The following RABGAP1L variants were observed in gnomAD, a reference collection of about 807,000 sequenced individuals.
RABGAP1L encodes rab GTPase-activating protein 1-like.
Under a neutral mutation model 137.7 loss-of-function variants are expected in RABGAP1L, and 63 were observed. The ratio of observed to expected loss-of-function variants is 0.46; its 90% CI spans 0.37 to 0.56. The LOEUF (loss-of-function observed/expected upper bound fraction) is 0.56. Among genes scored for constraint, RABGAP1L ranks in the 20% least tolerant of loss-of-function variants. The pLI, the probability that RABGAP1L is intolerant of heterozygous loss-of-function variation, is 0.00. For missense variants in RABGAP1L, 1,095 were observed against 1,244.0 expected (o/e 0.88, Z 1.80); for synonymous variants, 431 against 433.7 (o/e 0.99, Z 0.08).
intron 18 of RABGAP1L, among the ~76,000 whole-genome samples, chr1:174,808,047 G>A (rs894903258): frequency 2.5e-4 from 37 of 149,630 alleles, no homozygotes; most frequent in East Asian, 9.8e-4. Flanking sequence ...GCAGTGGCGC[G>A]ATCTCGGCCC....
chr1:174,906,596 C>G (rs1659127000), intron 19 of RABGAP1L, among the ~76,000 whole-genome samples: 1 of 151,872 alleles, frequency 6.6e-6, no homozygotes, highest in African/African-American at 2.4e-5. Flanking sequence ...CCACTGCACT[C>G]TAGCCTGGGT....
intron 19 of RABGAP1L, among the ~76,000 whole-genome samples, chr1:174,842,743 G>A (rs1693552944): frequency 6.6e-6 from 1 of 152,088 alleles, no homozygotes; most frequent in Non-Finnish European, 1.5e-5. Context: ...AGTTTCTCAG[G>A]TCCCTTTCAG....
chr1:174,639,846 A>G (rs1431894066), intron 14 of RABGAP1L, among the ~76,000 whole-genome samples: 1 of 152,166 alleles, frequency 6.6e-6, no homozygotes, highest in Admixed American at 6.6e-5. Context: ...GCAACCTTGA[A>G]TTCATTTGAA....
chr1:174,273,349 T>A (rs182901312), intron 8 of RABGAP1L, among the ~76,000 whole-genome samples: 34 of 152,132 alleles, frequency 2.2e-4, no homozygotes, highest in Admixed American at 2.2e-3. Flanking sequence ...TGTGAAGTGA[T>A]GAGGTTATGC....
At chr1:174,572,462 T>C (rs1371642234) in intron 13 of RABGAP1L, among the ~76,000 whole-genome samples, 1 of 152,164 alleles carries the variant, frequency 6.6e-6, no homozygotes, top group Non-Finnish European at 1.5e-5. Flanking sequence ...CTTGGCTCAC[T>C]GCAACCTCTG....
intron 17 of RABGAP1L, among the ~76,000 whole-genome samples, chr1:174,731,121 C>A (rs1682430488): frequency 6.6e-6 from 1 of 152,106 alleles, no homozygotes; most frequent in African/African-American, 2.4e-5. Flanking sequence ...ATTACAGGTA[C>A]ACACCAGCAT....
At chr1:174,239,134 C>A (rs12091157) in intron 4 of RABGAP1L, among the ~76,000 whole-genome samples, 1 of 151,956 alleles carries the variant, frequency 6.6e-6, no homozygotes, top group African/African-American at 2.4e-5. Context: ...GCTCGCGCAC[C>A]GTGCGCGCAC....
chr1:174,752,722 C>T (rs1180496849), intron 18 of RABGAP1L, among the ~76,000 whole-genome samples: 1 of 152,020 alleles, frequency 6.6e-6, no homozygotes, highest in Non-Finnish European at 1.5e-5. Flanking sequence ...TCTGGAGGTA[C>T]CTAAACATAT....
At chr1:174,240,650 A>G (rs1419904545) in intron 4 of RABGAP1L, among the ~76,000 whole-genome samples, 3 of 152,212 alleles carry the variant, frequency 2.0e-5, no homozygotes, top group Non-Finnish European at 4.4e-5. Flanking sequence ...CTTTGGAACC[A>G]CCTGACCTTT....
Position 174,612,134 on chromosome 1 carries a change from T to A in RABGAP1L, c.1711-25241T>A, listed in dbSNP as rs538380332. 1.3e-4 allele frequency among the ~76,000 whole-genome samples: 20 copies of A among 152,020 alleles called. 1 individual carries two copies. Among genetic ancestry groups the A allele is most frequent in the Admixed American group, 1.1e-3 (17 of 15,194 alleles). On this transcript the variant is annotated intron_variant, in intron 13 of 25. Transcript: ENST00000681986. Reference sequence around the variant, plus strand: ...AGAGAGGGCATCCCTGTCTTGCACCTGTTTTCAAAGGGAATGCTTCCAGTT... The same window carrying A: ...AGAGAGGGCATCCCTGTCTTGCACCAGTTTTCAAAGGGAATGCTTCCAGTT...
At chr1:174,423,930 T>C (rs1651652070) in intron 13 of RABGAP1L, among the ~76,000 whole-genome samples, 2 of 152,006 alleles carry the variant, frequency 1.3e-5, no homozygotes, top group African/African-American at 4.8e-5. Context: ...AAAAAAAATA[T>C]TTTGGGATAT....
intron 20 of RABGAP1L, chr1:174,958,157 A>G (rs1668773570): frequency 6.8e-7 from 1 of 1,462,916 alleles, no homozygotes; most frequent in African/African-American, 1.4e-5. Context: ...TTGGAAGGAA[A>G]AATAAAAATC....
At chr1:174,478,274 T>G (rs1420935970) in intron 13 of RABGAP1L, among the ~76,000 whole-genome samples, 3 of 151,460 alleles carry the variant, frequency 2.0e-5, no homozygotes, top group South Asian at 2.1e-4. Context: ...TTTTCGGAGG[T>G]GTGTGTGTGT....
chr1:174,731,657 T>C (rs375405531), intron 17 of RABGAP1L, among the ~76,000 whole-genome samples: 1 of 152,248 alleles, frequency 6.6e-6, no homozygotes, highest in South Asian at 2.1e-4. Context: ...CAGTCATTCG[T>C]AGACTCACCC....
Position 174,525,687 on chromosome 1 carries a change from T to G in RABGAP1L, c.1711-111688T>G, listed in dbSNP as rs1173762299. Among the ~76,000 whole-genome samples, 38 of 152,128 alleles carry G rather than the reference T, an allele frequency of 2.5e-4. 1 individual carries two copies. The highest frequency in any genetic ancestry group is 2.5e-3 in the Admixed American group (38 of 15,274). On this transcript the variant is annotated intron_variant, in intron 13 of 25. Coordinates refer to ENST00000681986, the MANE Select transcript of RABGAP1L (RefSeq NM_001366446.1). Reference sequence around the variant, plus strand: ...CTTCCAGTACTGTGTTGAATAGGAGTGGTGAAAGTGGGCATTCTTGTTTCA... The same window carrying G: ...CTTCCAGTACTGTGTTGAATAGGAGGGGTGAAAGTGGGCATTCTTGTTTCA...
At chr1:174,440,416 G>A (rs1358238882) in intron 13 of RABGAP1L, among the ~76,000 whole-genome samples, 1 of 152,216 alleles carries the variant, frequency 6.6e-6, no homozygotes, top group Non-Finnish European at 1.5e-5. Flanking sequence ...AGCACAAGAT[G>A]ATGCTGGTTT....
intron 1 of RABGAP1L, among the ~76,000 whole-genome samples, chr1:174,182,985 T>G (rs970911473): frequency 6.6e-6 from 1 of 152,260 alleles, no homozygotes; most frequent in Non-Finnish European, 1.5e-5. Context: ...TTTCTTTATA[T>G]GCATGTGTTT....
At chr1:174,363,604 T>G (rs1209764430) in intron 11 of RABGAP1L, among the ~76,000 whole-genome samples, 1 of 152,208 alleles carries the variant, frequency 6.6e-6, no homozygotes, top group East Asian at 1.9e-4. Context: ...GTGGTGACAG[T>G]GGGCATCCTT....
rs138803095 is a variant in RABGAP1L, at chr1:174,713,837, C to A, written c.2169+11581C>A. 3.6e-3 allele frequency among the ~76,000 whole-genome samples: 541 copies of A among 152,354 alleles called. 2 individuals are homozygous for A. Among genetic ancestry groups the A allele is most frequent in the Middle Eastern group, 0.01 (3 of 294 alleles). On this transcript the variant is annotated intron_variant, in intron 17 of 25. Coordinates refer to ENST00000681986, the MANE Select transcript of RABGAP1L (RefSeq NM_001366446.1). ...TAGGTCTTGAACCTTTATTCTTTCT[C>A]CAAGTCAGCATTATCTCCTATTCAG...
Sources: allele counts gnomAD v4.1 joint callset (sites outside exome capture counted in the v4.1 genomes callset), GRCh38; gene constraint gnomAD v4.1.1; transcripts MANE v1.5; gene names NCBI Gene and HGNC (gene_info 2026-07-23, HGNC 2026-07-21).